Variants in JAML observed in about 807,000 individuals in gnomAD.
The protein encoded by JAML is junctional adhesion molecule-like.
A neutral mutation model predicts 39.3 loss-of-function variants in JAML; 25 were observed. The observed-to-expected ratio is 0.64, with a 90% CI of 0.46 to 0.89. The LOEUF (loss-of-function observed/expected upper bound fraction) is 0.89, where lower values mean the gene tolerates loss of function less well. Ranked by LOEUF, JAML falls within the 40% of genes least tolerant of loss-of-function variation. The pLI, the probability that JAML is intolerant of heterozygous loss-of-function variation, is 0.00. For missense variants in JAML, 440 were observed against 486.9 expected (o/e 0.90, Z 0.91); for synonymous variants, 162 against 179.2 (o/e 0.90, Z 0.77).
At chr11:118,214,734 G>T in intron 2 of JAML, 90 bp downstream of exon 2, 1 of 1,369,134 alleles carries the variant, frequency 7.3e-7, no homozygotes, top group South Asian at 1.2e-5. Flanking sequence ...CAAACCCAAG[G>T]GAATCGAAAA....
At chr11:118,202,684 G>A (rs961155573) in intron 6 of JAML, 4 of 295,944 alleles carry the variant, frequency 1.4e-5, no homozygotes, top group South Asian at 3.0e-5. Context: ...TGGAGACAAG[G>A]TGCCTCCACA....
At chr11:118,223,005 G>A (rs1476302080) in intron 1 of JAML, among the ~76,000 whole-genome samples, 2 of 147,446 alleles carry the variant, frequency 1.4e-5, no homozygotes, top group East Asian at 4.2e-4. Context: ...TGAGGCAGGA[G>A]AATCACTTGA....
intron 4 of JAML, among the ~76,000 whole-genome samples, chr11:118,207,491 G>T (rs903138918): frequency 6.6e-6 from 1 of 152,168 alleles, no homozygotes; most frequent in Non-Finnish European, 1.5e-5. Flanking sequence ...GCTGATTCTA[G>T]AGCAAAAGTA....
intron 1 of JAML, among the ~76,000 whole-genome samples, chr11:118,224,289 G>A (rs1000819846): frequency 6.6e-6 from 1 of 152,130 alleles, no homozygotes; most frequent in Non-Finnish European, 1.5e-5. Flanking sequence ...AAACCATCCT[G>A]CATCAGCCTT....
chr11:118,202,507 G>A (rs1005173639), intron 6 of JAML: 8 of 175,120 alleles, frequency 4.6e-5, no homozygotes, highest in Non-Finnish European at 8.7e-5. Flanking sequence ...CAGAGCAGAA[G>A]GGACCTTCCT....
chr11:118,205,804 C>A, intron 5 of JAML, 78 bp downstream of exon 5: 1 of 1,354,522 alleles, frequency 7.4e-7, no homozygotes, highest in Non-Finnish European at 1.1e-6. Flanking sequence ...AACACCTCCT[C>A]ATGTGCCTGA....
chr11:118,215,076 CAAAT>C (rs1361672965), intron 1 of JAML, among the ~76,000 whole-genome samples, 190 bp from the exon 2 acceptor site: 2 of 152,000 alleles, frequency 1.3e-5, no homozygotes, highest in South Asian at 2.1e-4. Context: ...AAAAAAGAAG[CAAAT>C]AAATGAATGA....
intron 6 of JAML, chr11:118,202,736 T>A (rs538181347): frequency 2.8e-6 from 1 of 362,900 alleles, no homozygotes; most frequent in South Asian, 2.1e-5. Flanking sequence ...TGTTCCATCC[T>A]CACCCCATCT....
At chr11:118,216,090 G>A (rs1053355744) in intron 1 of JAML, among the ~76,000 whole-genome samples, 10 of 152,176 alleles carry the variant, frequency 6.6e-5, no homozygotes, top group African/African-American at 2.4e-4. Context: ...TTGATTACTT[G>A]GCCGGGCCTG....
rs372067604 is a variant in JAML at position 118,196,841 on chromosome 11, C to G, written c.1006-20G>C. The G allele has an allele frequency of 4.0e-4, 634 of 1,575,590 alleles. 1 individual carries two copies. The highest frequency in any genetic ancestry group is 2.9e-4 in the Non-Finnish European group (332 of 1,145,142). ...GTGTTTCTAGAGGGGGAAAATGGTA[C>G]AAAAATTCCTAAAAATTAGATGAAT... On this transcript the variant is annotated intron_variant, in intron 8 of 9. Transcript: ENST00000356289.
chr11:118,213,286 T>G, intron 2 of JAML: 1 of 1,080,706 alleles, frequency 9.3e-7, no homozygotes, highest in South Asian at 3.4e-5. Context: ...ATATGCTCTA[T>G]GCAAAGAGAC....
At chr11:118,196,262 G>A (rs1023092172) in intron 9 of JAML, among the ~76,000 whole-genome samples, 1 of 151,938 alleles carries the variant, frequency 6.6e-6, no homozygotes, top group Admixed American at 6.5e-5. Flanking sequence ...CAAGTAGCTG[G>A]GATTATAGGC....
intron 8 of JAML, 76 bp from the exon 9 acceptor site, chr11:118,196,897 C>T (rs780866211): frequency 1.6e-6 from 2 of 1,282,932 alleles, no homozygotes; most frequent in Non-Finnish European, 2.3e-6. Flanking sequence ...CCACCCACTC[C>T]TATTTGCTAG....
At chr11:118,202,790 C>G (rs767767240) in intron 6 of JAML, 1 of 377,028 alleles carries the variant, frequency 2.7e-6, no homozygotes, top group Non-Finnish European at 5.3e-6. Context: ...AAGGCCCTAG[C>G]GACAGGCAAA....
chr11:118,215,129 T>C (rs776211890), intron 1 of JAML, among the ~76,000 whole-genome samples: 6 of 152,192 alleles, frequency 3.9e-5, no homozygotes, highest in Non-Finnish European at 7.3e-5. Context: ...AGTGCTATGA[T>C]GAAACAAAAC....
At chr11:118,214,399 G>A (rs1949113442) in intron 2 of JAML, among the ~76,000 whole-genome samples, 1 of 152,188 alleles carries the variant, frequency 6.6e-6, no homozygotes, top group African/African-American at 2.4e-5. Flanking sequence ...AATTGGGAAA[G>A]AGCTCAGTCC....
chr11:118,216,207 T>C (rs963295770), intron 1 of JAML, among the ~76,000 whole-genome samples: 20 of 151,768 alleles, frequency 1.3e-4, no homozygotes, highest in Admixed American at 4.6e-4. Context: ...CCATCTCTAC[T>C]AAAAATACAA....
In JAML at chr11:118,222,682, T is replaced by C. The variant is rs1818659789; in HGVS notation, c.-21+2259A>G. On this transcript the variant is annotated intron_variant, in intron 1 of 9. Transcript: ENST00000356289. The surrounding 1 kb of genome is among the most constrained non-coding windows in gnomAD (Gnocchi z 4.2). ...TAAATAACATAAAAAATAAAGACAG[T>C]GTAAGTAAAGAATGTGTTTTGGTGG... is the stretch of plus-strand genomic sequence containing the variant. Among the ~76,000 whole-genome samples, 2 of 152,034 alleles carry C rather than the reference T, an allele frequency of 1.3e-5. No homozygotes were observed. The highest frequency in any genetic ancestry group is 4.1e-4 in the South Asian group (2 of 4,824).
chr11:118,216,691 C>G (rs1949147009), intron 1 of JAML, among the ~76,000 whole-genome samples: 1 of 152,138 alleles, frequency 6.6e-6, no homozygotes, highest in African/African-American at 2.4e-5. Context: ...GAGCTTCTAC[C>G]TTTCTAAGAA....
Sources: gnomAD v4.1 joint callset for allele counts (sites outside exome capture counted in the v4.1 genomes callset) on GRCh38, gnomAD v4.1.1 for gene constraint, Gnocchi (gnomAD v3.1) non-coding constraint, MANE v1.5 for transcripts, NCBI Gene and HGNC (gene_info 2026-07-23, HGNC 2026-07-21) for gene names.